Variants in ENPP2 observed in about 807,000 individuals in gnomAD.
The protein encoded by ENPP2 is autotaxin.
A neutral mutation model predicts 120.2 loss-of-function variants in ENPP2; 51 were observed. That is an observed-to-expected ratio of 0.42 (90% CI 0.34 to 0.54). ENPP2 has a LOEUF of 0.54. Among genes scored for constraint, ENPP2 ranks in the 20% least tolerant of loss-of-function variants. The probability of loss-of-function intolerance (pLI) is 0.04; values close to 1 mark genes in which losing one functional copy is unlikely to be tolerated. For missense variants in ENPP2, 920 were observed against 1,066.5 expected (o/e 0.86, Z 1.91); for synonymous variants, 365 against 366.4 (o/e 1.00, Z 0.04).
At position 119,586,221 on chromosome 8, in the gene ENPP2, G is replaced by A; in HGVS notation, c.1332C>T (p.Ile444=). 1.2e-6 allele frequency: 2 copies of A among 1,613,998 alleles called. No individual in the cohort carries two copies. Among genetic ancestry groups the A allele is most frequent in the Non-Finnish European group, 1.7e-6 (2 of 1,179,934 alleles). ...HYANNRRIED[I]HLLVERRWHV... ...GCCATCTGCGTTCCACCAATAAATG[G>A]ATATCCTCAATTCTTCTGTTGTTGG... Residue 444 remains isoleucine (I), a synonymous_variant, in exon 15 of 25, where the codon ATC becomes ATT. Transcript: ENST00000075322.
In ENPP2 at chr8:119,617,194, T is replaced by C; in HGVS notation, c.627A>G (p.Lys209=). The change falls in exon 7 of 25, where the codon AAA becomes AAG. Residue 209 remains lysine (K), a synonymous_variant. Transcript: ENST00000075322. ...CCAAAGTGTATAAGTTAGGAAAGGTTTTAGTTGGGTACACCGGCCTCATGT... is the reference window on the plus strand; with the variant it reads ...CCAAAGTGTATAAGTTAGGAAAGGTCTTAGTTGGGTACACCGGCCTCATGT... ...SPYMRPVYPT[K]TFPNLYTLAT... 1 of 1,613,654 alleles carries C rather than the reference T, an allele frequency of 6.2e-7. No individual in the cohort carries two copies.
At chr8:119,631,224 T>G (rs1486701378) in intron 2 of ENPP2, among the ~76,000 whole-genome samples, 8 of 131,352 alleles carry the variant, frequency 6.1e-5, no homozygotes, top group Non-Finnish European at 1.1e-4. Context: ...TTTTTTTTTT[T>G]TTTTTTTTTT....
At chr8:119,565,040 C>T (rs753322712) in intron 22 of ENPP2, 85 bp from the exon 23 acceptor site, 139 of 1,164,374 alleles carry the variant, frequency 1.2e-4, no homozygotes, top group African/African-American at 7.0e-4. Context: ...ATGCATGCTA[C>T]GAGCCAAATC....
intron 22 of ENPP2, among the ~76,000 whole-genome samples, chr8:119,566,197 A>G (rs1467507018): frequency 6.6e-6 from 1 of 152,188 alleles, no homozygotes; most frequent in African/African-American, 2.4e-5. Context: ...TCCTGCTTCT[A>G]ATTTCCATAA....
At chr8:119,621,326 C>G (rs1815879144) in intron 4 of ENPP2, 68 bp downstream of exon 4, 2 of 1,470,948 alleles carry the variant, frequency 1.4e-6, no homozygotes, top group Non-Finnish European at 1.9e-6. Flanking sequence ...TCCTAGCATC[C>G]AGGATCTCCT....
intron 19 of ENPP2, among the ~76,000 whole-genome samples, chr8:119,574,158 CAA>C (rs1342078767): frequency 6.6e-6 from 1 of 151,960 alleles, no homozygotes; most frequent in Non-Finnish European, 1.5e-5. Context: ...ATCAAAGTAT[CAA>C]AGAATCACAG....
chr8:119,650,283 G>C (rs2326307), intron 1 of ENPP2, among the ~76,000 whole-genome samples: 1 of 152,100 alleles, frequency 6.6e-6, no homozygotes, highest in Non-Finnish European at 1.5e-5. Context: ...ATCTAGAAGA[G>C]GCAAACCCAC....
upstream of ENPP2, among the ~76,000 whole-genome samples, chr8:119,642,498 C>T (rs115902086): frequency 5.6e-3 from 856 of 152,060 alleles, 8 homozygotes; most frequent in African/African-American, 0.018. Flanking sequence ...AAGATAAGTA[C>T]CACATTTGGA....
intron 12 of ENPP2, chr8:119,593,035 T>G: frequency 4.0e-6 from 3 of 748,246 alleles, no homozygotes; most frequent in South Asian, 6.0e-5. Context: ...AGTTCCGGAA[T>G]ACAGGAGATA....
chr8:119,592,361 T>C (rs536622364), intron 12 of ENPP2, among the ~76,000 whole-genome samples: 1 of 150,226 alleles, frequency 6.7e-6, no homozygotes, highest in Non-Finnish European at 1.5e-5. Context: ...TAATCCCAGC[T>C]ACTCAGGAGG....
chr8:119,584,890 G>A (rs1319952876), intron 15 of ENPP2, among the ~76,000 whole-genome samples: 3 of 152,220 alleles, frequency 2.0e-5, no homozygotes, highest in Admixed American at 6.5e-5. Context: ...TCTAACATAC[G>A]GGTCTCCACC....
At chr8:119,595,770 T>C (rs763670550) in intron 11 of ENPP2, 9 of 1,454,750 alleles carry the variant, frequency 6.2e-6, no homozygotes, top group Non-Finnish European at 8.5e-6. Flanking sequence ...TCAGCCGATT[T>C]TCCAACCAAG....
intron 1 of ENPP2, among the ~76,000 whole-genome samples, chr8:119,668,653 T>C (rs1818151111): frequency 6.6e-6 from 1 of 152,088 alleles, no homozygotes. Context: ...GGTCTCCATC[T>C]CTTGACCTTG....
intron 9 of ENPP2, among the ~76,000 whole-genome samples, chr8:119,603,665 TAGAA>T (rs1814476472): frequency 6.6e-6 from 1 of 152,186 alleles, no homozygotes; most frequent in Non-Finnish European, 1.5e-5. Flanking sequence ...GCTGGGCACA[TAGAA>T]AGGGTTTAGA....
Position 119,562,862 on chromosome 8 carries a change from A to G in ENPP2, c.2416T>C (p.Cys806Arg), listed in dbSNP as rs1308963661. 6.2e-7 allele frequency: 1 copy of G among 1,614,004 alleles called. No individual in the cohort carries two copies. The highest frequency in any genetic ancestry group is 8.5e-7 in the Non-Finnish European group (1 of 1,179,930). ...LPHRPDNEES[C>R]NSSEDESKWV... ...GACTCTCTCTGTAAACTCACATTGC[A>G]GCTCTCCTCGTTGTCAGGCCGGTGA... is the stretch of plus-strand genomic sequence containing the variant. Residue 806 changes from cysteine to arginine, a missense_variant, in exon 24 of 25, where the codon TGC (cysteine) becomes CGC (arginine). Transcript: ENST00000075322.
intron 16 of ENPP2, 26 bp downstream of exon 16, chr8:119,583,936 T>C: frequency 6.3e-7 from 1 of 1,577,464 alleles, no homozygotes; most frequent in Non-Finnish European, 8.7e-7. Context: ...AAAACACAAT[T>C]TCAATTCACA....
At chr8:119,593,939 G>A in intron 11 of ENPP2, 79 bp from the exon 12 acceptor site, 1 of 830,154 alleles carries the variant, frequency 1.2e-6, no homozygotes, top group Non-Finnish European at 2.1e-6. Context: ...TCTACCCCTA[G>A]AACATTTTGG....
rs540781831 is a variant in ENPP2 at position 119,596,752 on chromosome 8, AT to A, written c.973-2893del. 7.2e-3 allele frequency among the ~76,000 whole-genome samples: 1,103 copies of A among 152,294 alleles called. 10 individuals carry two copies. The highest frequency in any genetic ancestry group is 8.7e-3 in the Non-Finnish European group (595 of 68,018). ...AAAGTCATCTCTTTTTTGTCTTGGT[AT>A]ATACAGACCAAGAAAGAGTCTCCTT... On this transcript the variant is annotated intron_variant, in intron 11 of 24. Transcript: ENST00000075322.
chr8:119,586,572 C>T (rs572009244), intron 14 of ENPP2, among the ~76,000 whole-genome samples: 1 of 152,006 alleles, frequency 6.6e-6, no homozygotes, highest in Non-Finnish European at 1.5e-5. Context: ...GTGAGACCAT[C>T]GCTAAGAGCA....
Sources: gnomAD v4.1 joint callset for allele counts (sites outside exome capture counted in the v4.1 genomes callset) on GRCh38, gnomAD v4.1.1 for gene constraint, MANE v1.5 for transcripts, NCBI Gene and HGNC (gene_info 2026-07-23, HGNC 2026-07-21) for gene names.